Variants in SPOCK3 observed in about 807,000 individuals in gnomAD.
SPOCK3 encodes testican-3.
Under a neutral mutation model 56.6 loss-of-function variants are expected in SPOCK3, and 30 were observed. The ratio of observed to expected loss-of-function variants is 0.53; its 90% CI spans 0.40 to 0.72. SPOCK3 has a LOEUF of 0.72. Among genes scored for constraint, SPOCK3 ranks in the 30% least tolerant of loss-of-function variants. The probability of loss-of-function intolerance (pLI) is 0.00; values close to 1 mark genes in which losing one functional copy is unlikely to be tolerated. For synonymous variants in SPOCK3, 196 were observed against 183.3 expected (o/e 1.07, Z -0.56); for missense variants, 527 against 530.0 (o/e 0.99, Z 0.06).
At chr4:166,865,590 T>C (rs1731742605) in intron 6 of SPOCK3, among the ~76,000 whole-genome samples, 1 of 152,160 alleles carries the variant, frequency 6.6e-6, no homozygotes, top group Non-Finnish European at 1.5e-5. Flanking sequence ...AGTCTCAGGA[T>C]AGAAAACCAA....
At chr4:167,222,585 AAT>A (rs1333173610) in intron 2 of SPOCK3, among the ~76,000 whole-genome samples, 7 of 141,858 alleles carry the variant, frequency 4.9e-5, no homozygotes, top group South Asian at 2.1e-4. Context: ...TTCATATATG[AAT>A]ATATAATATA....
At chr4:167,108,753 C>G (rs72975511) in intron 2 of SPOCK3, among the ~76,000 whole-genome samples, 366 of 150,742 alleles carry the variant, frequency 2.4e-3, no homozygotes, top group African/African-American at 8.2e-3. Context: ...TAGCACAGAA[C>G]AGTAACTGTA....
At chr4:167,079,929 T>C (rs980775964) in intron 2 of SPOCK3, among the ~76,000 whole-genome samples, 4 of 151,966 alleles carry the variant, frequency 2.6e-5, no homozygotes, top group African/African-American at 7.2e-5. Flanking sequence ...GGAGGCCATA[T>C]GTGCTATAAA....
intron 7 of SPOCK3, among the ~76,000 whole-genome samples, chr4:166,769,277 T>C (rs1738588820): frequency 6.6e-6 from 1 of 152,160 alleles, no homozygotes; most frequent in South Asian, 2.1e-4. Flanking sequence ...TTTTTAGTAT[T>C]TTCAGCTTTT....
chr4:167,031,721 C>T (rs1752292806), intron 3 of SPOCK3, among the ~76,000 whole-genome samples: 1 of 151,960 alleles, frequency 6.6e-6, no homozygotes, highest in African/African-American at 2.4e-5. Context: ...TATGCATCTG[C>T]CAGCAATCTT....
intron 8 of SPOCK3, among the ~76,000 whole-genome samples, chr4:166,747,239 A>G (rs1056052564): frequency 1.3e-5 from 2 of 152,154 alleles, no homozygotes; most frequent in Non-Finnish European, 2.9e-5. Flanking sequence ...TCCTCAGTAA[A>G]ATACTGGCAA....
chr4:167,076,902 C>T (rs1757233057), intron 2 of SPOCK3, among the ~76,000 whole-genome samples: 1 of 151,758 alleles, frequency 6.6e-6, no homozygotes, highest in Non-Finnish European at 1.5e-5. Flanking sequence ...ATTTTTACAT[C>T]CTTTTAGAAA....
chr4:166,739,433 G>A (rs1389268285), intron 9 of SPOCK3, among the ~76,000 whole-genome samples: 1 of 151,896 alleles, frequency 6.6e-6, no homozygotes, highest in Non-Finnish European at 1.5e-5. Context: ...TACAGATGGG[G>A]TTTCACCATG....
chr4:167,134,318 C>A (rs1473530314), intron 2 of SPOCK3, among the ~76,000 whole-genome samples: 1 of 151,946 alleles, frequency 6.6e-6, no homozygotes, highest in Non-Finnish European at 1.5e-5. Flanking sequence ...CAGGTGTGAG[C>A]CATCGCACGT....
At chr4:167,129,783 G>C (rs1036972920) in intron 2 of SPOCK3, among the ~76,000 whole-genome samples, 1 of 152,036 alleles carries the variant, frequency 6.6e-6, no homozygotes, top group African/African-American at 2.4e-5. Context: ...ATATAAATTT[G>C]TCATAATGGA....
intron 6 of SPOCK3, among the ~76,000 whole-genome samples, chr4:166,884,193 A>G (rs557672615): frequency 6.6e-6 from 1 of 152,180 alleles, no homozygotes; most frequent in South Asian, 2.1e-4. Flanking sequence ...CTCTACTAAA[A>G]ATACAAAAAA....
chr4:166,838,663 T>C (rs1169450428), intron 6 of SPOCK3, among the ~76,000 whole-genome samples: 2 of 147,710 alleles, frequency 1.4e-5, no homozygotes, highest in Non-Finnish European at 1.5e-5. Context: ...ATTAAAATCC[T>C]TGTCATAGAC....
intron 2 of SPOCK3, among the ~76,000 whole-genome samples, chr4:167,119,623 AC>A (rs1201712051): frequency 6.6e-6 from 1 of 152,152 alleles, no homozygotes; most frequent in Non-Finnish European, 1.5e-5. Context: ...GCAAAAATAA[AC>A]CACAAGTGAA....
At chr4:167,061,622 C>T (rs983084325) in intron 3 of SPOCK3, among the ~76,000 whole-genome samples, 195 of 151,984 alleles carry the variant, frequency 1.3e-3, no homozygotes, top group African/African-American at 4.4e-3. Flanking sequence ...TAGCAAAATA[C>T]TCTGAGCTCC....
At chr4:166,878,654 T>C (rs1254759301) in intron 6 of SPOCK3, among the ~76,000 whole-genome samples, 1 of 152,140 alleles carries the variant, frequency 6.6e-6, no homozygotes, top group Non-Finnish European at 1.5e-5. Context: ...ATACTCTAAG[T>C]TATTTCACAC....
intron 2 of SPOCK3, among the ~76,000 whole-genome samples, chr4:167,150,374 A>G (rs1276540484): frequency 6.6e-6 from 1 of 152,174 alleles, no homozygotes; most frequent in African/African-American, 2.4e-5. Context: ...AGAAATAGAT[A>G]TATTTAGGTG....
At chr4:166,970,129 A>G (rs930433669) in intron 4 of SPOCK3, among the ~76,000 whole-genome samples, 26 of 152,234 alleles carry the variant, frequency 1.7e-4, no homozygotes, top group Non-Finnish European at 4.4e-5. Context: ...TCAGAGGTAA[A>G]GTAGCTGTAG....
intron 4 of SPOCK3, among the ~76,000 whole-genome samples, chr4:166,989,689 G>A (rs188186308): frequency 2.1e-4 from 32 of 152,150 alleles, no homozygotes; most frequent in Non-Finnish European, 3.8e-4. Context: ...CCCATCACAC[G>A]CCTCTATTAT....
chr4:167,172,719 T>C (rs921486971), intron 2 of SPOCK3, among the ~76,000 whole-genome samples: 5 of 152,160 alleles, frequency 3.3e-5, no homozygotes, highest in African/African-American at 1.2e-4. Context: ...TATCTACATA[T>C]ATGTGTGCAT....
Sources: allele counts gnomAD v4.1 joint callset (sites outside exome capture counted in the v4.1 genomes callset), GRCh38; gene constraint gnomAD v4.1.1; transcripts MANE v1.5; gene names NCBI Gene and HGNC (gene_info 2026-07-23, HGNC 2026-07-21).